ZNF385A: variants seen among roughly 807,000 people sequenced by gnomAD.
The protein encoded by ZNF385A is zinc finger protein 385A.
In ZNF385A, 14 loss-of-function variants were observed where a neutral mutation model predicts 32.1. The observed-to-expected ratio is 0.44, with a 90% CI of 0.29 to 0.68. The LOEUF (loss-of-function observed/expected upper bound fraction) is 0.68. Among genes scored for constraint, ZNF385A ranks in the 30% least tolerant of loss-of-function variants. The pLI is 0.14. For missense variants in ZNF385A, 406 were observed against 478.4 expected (o/e 0.85, Z 1.41); for synonymous variants, 197 against 202.7 (o/e 0.97, Z 0.24).
intron 1 of ZNF385A, among the ~76,000 whole-genome samples, chr12:54,379,440 C>T (rs923973089): frequency 1.3e-5 from 2 of 152,002 alleles, no homozygotes; most frequent in Non-Finnish European, 2.9e-5. Flanking sequence ...ACCTCGTTGC[C>T]TCCACTGGGG....
intron 3 of ZNF385A, among the ~76,000 whole-genome samples, chr12:54,373,210 G>A (rs1954651837): frequency 6.7e-6 from 1 of 150,090 alleles, no homozygotes. Flanking sequence ...TAGTACAGAT[G>A]TTTGTTTCTC....
rs1356209798 is a variant in ZNF385A at position 54,370,129 on chromosome 12, T to C, written c.*127A>G. 2 of 723,008 alleles carry C rather than the reference T, an allele frequency of 2.8e-6. No individual in the cohort carries two copies. Among genetic ancestry groups the C allele is most frequent in the African/African-American group, 4.4e-5 (2 of 45,160 alleles). The allele number at this position is 723,008 out of a possible 1,614,324, so 44.8% of individuals were successfully genotyped here. On this transcript the variant is annotated 3_prime_UTR_variant, in exon 7 of 7. Coordinates refer to ENST00000394313, the MANE Select transcript of ZNF385A (RefSeq NM_015481.3). The surrounding 1 kb of genome is among the most constrained non-coding windows in gnomAD (Gnocchi z 5.5). ...CCCTCCCCTTTCCTGGAACCCCGTATCTCGGGGTGGGGGGGGGGAAGGAGA... is the reference window on the plus strand; with the variant it reads ...CCCTCCCCTTTCCTGGAACCCCGTACCTCGGGGTGGGGGGGGGGAAGGAGA...
chr12:54,370,198 G>T lies in ZNF385A; in HGVS notation c.*58C>A. On this transcript the variant is annotated 3_prime_UTR_variant, in exon 7 of 7. Coordinates refer to ENST00000394313, the MANE Select transcript of ZNF385A (RefSeq NM_015481.3). This position sits in a 1 kb window ranked among gnomAD's most constrained non-coding sequence, Gnocchi z 5.5. ...GGGAGGAGGGGCGGGCTGGGAGCCC[G>T]GACGCCTGGGTCCCGGCTGGAGGTG... 1 of 1,337,966 alleles carries T rather than the reference G, an allele frequency of 7.5e-7. No individual in the cohort carries two copies. Among genetic ancestry groups the T allele is most frequent in the Non-Finnish European group, 9.8e-7 (1 of 1,017,442 alleles). The allele number at this position is 1,337,966 out of a possible 1,614,324, so 82.9% of individuals were successfully genotyped here. A position where few individuals can be genotyped will look rare whatever the true frequency, so the allele number is the denominator to read the frequency against.
upstream of ZNF385A, among the ~76,000 whole-genome samples, chr12:54,386,283 G>A (rs1238852095): frequency 2.6e-5 from 4 of 151,736 alleles, no homozygotes; most frequent in Admixed American, 2.0e-4. Flanking sequence ...CTGAGGAATC[G>A]GACAGTGACA....
chr12:54,376,286 T>C (rs1592244859), intron 1 of ZNF385A, among the ~76,000 whole-genome samples: 2 of 152,270 alleles, frequency 1.3e-5, no homozygotes, highest in South Asian at 4.1e-4. Context: ...CTGTGTCACC[T>C]TGACTTATCT....
chr12:54,386,385 A>G (rs148797132), upstream of ZNF385A, among the ~76,000 whole-genome samples: 356 of 152,282 alleles, frequency 2.3e-3, 3 homozygotes, highest in African/African-American at 7.8e-3. Flanking sequence ...AGCTGGACAC[A>G]GAACTAGAGA....
chr12:54,369,607 G>A lies in ZNF385A; in HGVS notation c.*649C>T, dbSNP rs945334816. Reference sequence around the variant, plus strand: ...CCGGACTAGGGAGGAAGAAGGCGAGGGAAAGGTCTATGGTGGCATCTCCTT... The same window carrying A: ...CCGGACTAGGGAGGAAGAAGGCGAGAGAAAGGTCTATGGTGGCATCTCCTT... On this transcript the variant is annotated 3_prime_UTR_variant, in exon 7 of 7. Transcript: ENST00000394313. 6.5e-6 allele frequency: 1 copy of A among 153,044 alleles called. No homozygotes were observed. Among genetic ancestry groups the A allele is most frequent in the Admixed American group, 6.5e-5 (1 of 15,292 alleles). 9.5% of individuals were successfully genotyped at this position (153,044 alleles called of 1,614,324 possible).
intron 4 of ZNF385A, 104 bp downstream of exon 4, chr12:54,371,369 G>A: frequency 1.4e-6 from 2 of 1,442,444 alleles, no homozygotes; most frequent in Non-Finnish European, 1.9e-6. Flanking sequence ...TAGGCTGATA[G>A]GTCTTAGATG....
At chr12:54,387,490 CCT>C (rs1239801537), upstream of ZNF385A, among the ~76,000 whole-genome samples, 1 of 152,174 alleles carries the variant, frequency 6.6e-6, no homozygotes, top group Non-Finnish European at 1.5e-5. Context: ...TAGGCCTCTC[CCT>C]CTCTTTTTCT....
At chr12:54,384,282 C>T (rs2137289198) in intron 1 of ZNF385A, 146 bp downstream of exon 1, 2 of 1,039,458 alleles carry the variant, frequency 1.9e-6, no homozygotes, top group East Asian at 2.9e-5. Context: ...AGATGGCCCA[C>T]AATACTCAAA....
chr12:54,377,082 A>G (rs985021366), intron 1 of ZNF385A, among the ~76,000 whole-genome samples: 2 of 152,222 alleles, frequency 1.3e-5, no homozygotes, highest in African/African-American at 4.8e-5. Flanking sequence ...AGGGTTTCCA[A>G]TGAGACACTG....
intron 2 of ZNF385A, among the ~76,000 whole-genome samples, chr12:54,375,038 G>A (rs1954768975): frequency 6.6e-6 from 1 of 151,842 alleles, no homozygotes; most frequent in Admixed American, 6.6e-5. Flanking sequence ...CAGGGGTAAA[G>A]TAGCAGTGTG....
At chr12:54,372,627 C>G (rs1954613143) in intron 3 of ZNF385A, among the ~76,000 whole-genome samples, 1 of 152,220 alleles carries the variant, frequency 6.6e-6, no homozygotes, top group African/African-American at 2.4e-5. Flanking sequence ...GTGTAAAGTG[C>G]TATTCAAGAA....
In ZNF385A at chr12:54,370,233, A is replaced by G; in HGVS notation, c.*23T>C. 7.1e-7 allele frequency: 1 copy of G among 1,409,992 alleles called. No homozygotes were observed. The highest frequency in any genetic ancestry group is 9.3e-7 in the Non-Finnish European group (1 of 1,077,724). 87.3% of individuals were successfully genotyped at this position (1,409,992 alleles called of 1,614,324 possible). A position where few individuals can be genotyped will look rare whatever the true frequency, so the allele number is the denominator to read the frequency against. ...GTCCCGGCTGGAGGTGGGGAGTTGAATGGGAGGGGTTCAGGGTTGAGGTCA... is the reference window on the plus strand; with the variant it reads ...GTCCCGGCTGGAGGTGGGGAGTTGAGTGGGAGGGGTTCAGGGTTGAGGTCA... On this transcript the variant is annotated 3_prime_UTR_variant, in exon 7 of 7. Coordinates refer to ENST00000394313, the MANE Select transcript of ZNF385A (RefSeq NM_015481.3). The surrounding 1 kb of genome is among the most constrained non-coding windows in gnomAD (Gnocchi z 5.5).
upstream of ZNF385A, chr12:54,385,733 T>A: frequency 6.6e-6 from 6 of 903,520 alleles, no homozygotes; most frequent in Non-Finnish European, 7.9e-6. Flanking sequence ...CCCAGGGGCC[T>A]GGGCCTGACA....
At chr12:54,371,184 T>C in intron 4 of ZNF385A, 88 bp from the exon 5 acceptor site, 1 of 1,415,954 alleles carries the variant, frequency 7.1e-7, no homozygotes, top group South Asian at 1.4e-5. Flanking sequence ...CCAGGTACAA[T>C]ATGAGGGGGA....
Position 54,383,767 on chromosome 12 carries a change from C to T in ZNF385A, c.87+661G>A, listed in dbSNP as rs548259641. Among the ~76,000 whole-genome samples the T allele has an allele frequency of 1.3e-4, 20 of 152,056 alleles. No individual in the cohort carries two copies. In the East Asian group the frequency reaches 1.9e-3, roughly 15 times the overall value. ...AAAATTAGCCCGGTGTGGTGGCACA[C>T]GCCTGTAATCCCAGCTACTTGGGAG... is the stretch of plus-strand genomic sequence containing the variant. On this transcript the variant is annotated intron_variant, in intron 1 of 6. Coordinates refer to ENST00000394313, the MANE Select transcript of ZNF385A (RefSeq NM_015481.3).
At chr12:54,372,421 T>G (rs531502904) in intron 3 of ZNF385A, among the ~76,000 whole-genome samples, 7 of 152,302 alleles carry the variant, frequency 4.6e-5, no homozygotes, top group Admixed American at 3.9e-4. Context: ...CCCCTCCAGG[T>G]ACCCATTTGC....
intron 1 of ZNF385A, among the ~76,000 whole-genome samples, chr12:54,391,026 A>G (rs547548449): frequency 6.6e-6 from 1 of 151,902 alleles, no homozygotes; most frequent in African/African-American, 2.4e-5. Context: ...ACCACTCCCT[A>G]AATTACCCGG....
Sources: gnomAD v4.1 joint callset for allele counts (sites outside exome capture counted in the v4.1 genomes callset) on GRCh38, gnomAD v4.1.1 for gene constraint, Gnocchi (gnomAD v3.1) non-coding constraint, MANE v1.5 for transcripts, NCBI Gene and HGNC (gene_info 2026-07-23, HGNC 2026-07-21) for gene names.